The following FOXM1 variants were observed in gnomAD, a reference collection of about 807,000 sequenced individuals.
The protein encoded by FOXM1 is forkhead box M1.
Under a neutral mutation model 63.6 loss-of-function variants are expected in FOXM1, and 25 were observed. The ratio of observed to expected loss-of-function variants is 0.39; its 90% CI spans 0.29 to 0.55. The LOEUF (loss-of-function observed/expected upper bound fraction) is 0.55. Among genes scored for constraint, FOXM1 ranks in the 20% least tolerant of loss-of-function variants. The pLI is 0.60. For synonymous variants in FOXM1, 387 were observed against 376.9 expected, an observed-to-expected ratio of 1.03 and a Z score of -0.31; for missense variants, 879 against 958.7, an observed-to-expected ratio of 0.92 and a Z score of 1.10.
intron 8 of FOXM1, among the ~76,000 whole-genome samples, chr12:2,860,875 A>G (rs1269068918): frequency 1.3e-5 from 2 of 151,324 alleles, no homozygotes; most frequent in Admixed American, 1.3e-4. Context: ...AAAAAAAAAA[A>G]AAACTCTCAC....
chr12:2,868,567 C>T lies in FOXM1; in HGVS notation c.842G>A (p.Trp281Ter). ...PYFKHIAKPG[W>*]KNSIRHNLSL... is the part of the protein sequence containing the mutation. ...GGTTGCTGTGGGACACATTACCTTC[C>T]AGCCTGGCTTGGCAATGTGCTTAAA... Residue 281 changes from tryptophan to a stop codon, truncating the protein, a stop_gained, in exon 4 of 9, where the codon TGG (tryptophan) becomes TAG (stop). Coordinates refer to ENST00000359843, the MANE Select transcript of FOXM1 (RefSeq NM_021953.4). LOFTEE classifies it high-confidence loss of function. The T allele has an allele frequency of 6.2e-7, 1 of 1,607,936 alleles. No individual in the cohort carries two copies. Among genetic ancestry groups the T allele is most frequent in the Non-Finnish European group, 8.5e-7 (1 of 1,176,480 alleles).
Position 2,859,126 on chromosome 12 carries a change from T to C in FOXM1, c.1804A>G (p.Ile602Val), listed in dbSNP as rs770458870. 15 of 1,606,292 alleles carry C rather than the reference T, an allele frequency of 9.3e-6. No homozygotes were observed. Among genetic ancestry groups the C allele is most frequent in the Middle Eastern group, 3.3e-4 (2 of 6,032 alleles). Residue 602 changes from isoleucine (I) to valine (V), a missense_variant, in exon 9 of 9, where the codon ATT becomes GTT. Ile to Val is a conservative substitution (Grantham distance 29). Transcript: ENST00000359843. The stretch of plus-strand genomic sequence containing the variant: ...GAGGAGATGGGCAGCGTTTCCTTAA[T>C]GGGTGTCTTAAAAGGTCCTCCCACT... ...QEVGGPFKTP[I>V]KETLPISSTP... is the part of the protein sequence containing the mutation.
chr12:2,861,205 A>G (rs2098112168), intron 8 of FOXM1: 2 of 640,168 alleles, frequency 3.1e-6, no homozygotes, highest in African/African-American at 3.9e-5. Flanking sequence ...ATTGATAACA[A>G]AACCTATATA....
At position 2,859,387 on chromosome 12, in the gene FOXM1, T is replaced by G. The variant is rs2098103786; in HGVS notation, c.1543A>C (p.Lys515Gln). 1.2e-6 allele frequency: 2 copies of G among 1,613,714 alleles called. No individual in the cohort carries two copies. Among genetic ancestry groups the G allele is most frequent in the South Asian group, 2.2e-5 (2 of 91,066 alleles). ...SSQSPTPRPK[K>Q]SYSGLRSPTR... ...GGGGACCTAAGCCCACTGTAGGACT[T>G]CTTGGGTCTTGGGGTGGGAGATTGG... Residue 515 changes from lysine (K) to glutamine (Q), a missense_variant, in exon 9 of 9, where the codon AAG becomes CAG. Transcript: ENST00000359843.
Position 2,868,659 on chromosome 12 carries a change from G to A in FOXM1, c.750C>T (p.Asn250=), listed in dbSNP as rs774054599. 6.2e-7 allele frequency: 1 copy of A among 1,613,894 alleles called. No homozygotes were observed. Among genetic ancestry groups the A allele is most frequent in the South Asian group, 1.1e-5 (1 of 91,028 alleles). The stretch of plus-strand genomic sequence containing the variant: ...AAGTCATGCGCTTCCTCTCAGTGCT[G>A]TTGATGGCGAATTGTATCATGGCCA... ...SYMAMIQFAI[N]STERKRMTLK... is the part of the protein sequence containing the mutation. The change falls in exon 4 of 9, where the codon AAC becomes AAT. Residue 250 remains asparagine, a synonymous_variant. Coordinates refer to ENST00000359843, the MANE Select transcript of FOXM1 (RefSeq NM_021953.4).
At position 2,866,441 on chromosome 12, in the gene FOXM1, G is replaced by T. The variant is rs991066082; in HGVS notation, c.927C>A (p.Thr309=). 7 of 1,562,128 alleles carry T rather than the reference G, an allele frequency of 4.5e-6. No individual in the cohort carries two copies. The highest frequency in any genetic ancestry group is 1.7e-4 in the Middle Eastern group (1 of 5,912). The part of the protein sequence containing the change: ...TSANGKVSFW[T]IHPSANRYLT... The stretch of plus-strand genomic sequence containing the variant: ...AGTAGCGGTTGGCACTGGGGTGAAT[G>T]GTCCAGAAGGAGACCTTGCCATTGG... The change falls in exon 5 of 9, where the codon ACC becomes ACA. Residue 309 remains threonine, a synonymous_variant. Coordinates refer to ENST00000359843, the MANE Select transcript of FOXM1 (RefSeq NM_021953.4).
Position 2,872,166 on chromosome 12 carries a change from A to C in FOXM1, c.584T>G (p.Leu195Arg), listed in dbSNP as rs978350434. 2 of 1,614,066 alleles carry C rather than the reference A, an allele frequency of 1.2e-6. No homozygotes were observed. The highest frequency in any genetic ancestry group is 1.7e-6 in the Non-Finnish European group (2 of 1,180,018). ...CTCTTGCTTGATGCTGCGGGAGCCC[A>C]GTCCATCAGAACTCATCTTTCGAAG... is the stretch of plus-strand genomic sequence containing the variant. ...QWLRKMSSDG[L>R]GSRSIKQEME... The change falls in exon 3 of 9, where the codon CTG (leucine) becomes CGG (arginine). Residue 195 changes from leucine (L) to arginine (R), a missense_variant. Leu to Arg is a moderately radical substitution (Grantham distance 102, BLOSUM62 -2). Coordinates refer to ENST00000359843, the MANE Select transcript of FOXM1 (RefSeq NM_021953.4). The surrounding 1 kb of genome is among the most constrained non-coding windows in gnomAD (Gnocchi z 4.0).
In FOXM1 at chr12:2,858,252, A is replaced by G. The variant is rs2098095388; in HGVS notation, c.*386T>C. ...AGTCTCTGGATAATGATCTAAGGAA[A>G]TAAGCTTACATTTATAATTAGAGGA... On this transcript the variant is annotated 3_prime_UTR_variant, in exon 9 of 9. Transcript: ENST00000359843. 5.8e-6 allele frequency: 1 copy of G among 171,502 alleles called. No individual in the cohort carries two copies. 10.6% of individuals were successfully genotyped at this position (171,502 alleles called of 1,614,324 possible). A position where few individuals can be genotyped will look rare whatever the true frequency, so the allele number is the denominator to read the frequency against.
At chr12:2,868,786 A>G (rs2098128048) in intron 3 of FOXM1, 32 bp from the exon 4 acceptor site, 1 of 1,556,634 alleles carries the variant, frequency 6.4e-7, no homozygotes, top group Non-Finnish European at 8.8e-7. Flanking sequence ...ATGACATGAA[A>G]GAGTTCATGA....
At chr12:2,861,793 C>T (rs757377442) in intron 8 of FOXM1, among the ~76,000 whole-genome samples, 2 of 152,162 alleles carry the variant, frequency 1.3e-5, no homozygotes, top group Non-Finnish European at 2.9e-5. Context: ...TGTGGTGTAG[C>T]CACATCATGG....
chr12:2,859,425 C>G lies in FOXM1; in HGVS notation c.1505G>C (p.Trp502Ser). The G allele has an allele frequency of 6.2e-7, 1 of 1,614,052 alleles. No individual in the cohort carries two copies. The highest frequency in any genetic ancestry group is 8.5e-7 in the Non-Finnish European group (1 of 1,180,032). The change falls in exon 9 of 9, where the codon TGG (tryptophan) becomes TCG (serine). Residue 502 changes from tryptophan (W) to serine (S), a missense_variant. Physicochemically the swap from Trp to Ser is radical, Grantham distance 177. Around this residue, in one of 4 missense-constraint regions of FOXM1, gnomAD observed 486 missense variants for 453.5 expected, o/e 1.07. Transcript: ENST00000359843. Reference sequence around the variant, plus strand: ...GGTGGGAGATTGGGACGAATCCTCCCAGGAGTGAGATGATTCCTCTTTGAA... The same window carrying G: ...GGTGGGAGATTGGGACGAATCCTCCGAGGAGTGAGATGATTCCTCTTTGAA... ...PSFKEESSHS[W>S]EDSSQSPTPR...
chr12:2,862,481 AATTATGT>A (rs2098115700), intron 8 of FOXM1, among the ~76,000 whole-genome samples: 1 of 152,122 alleles, frequency 6.6e-6, no homozygotes, highest in Non-Finnish European at 1.5e-5. Context: ...ATTTACGCTA[AATTATGT>A]ATGTGTGGTA....
chr12:2,871,484 A>T (rs896503894), intron 3 of FOXM1, among the ~76,000 whole-genome samples: 5 of 152,068 alleles, frequency 3.3e-5, no homozygotes, highest in African/African-American at 1.2e-4. Flanking sequence ...CATCTCTACA[A>T]AAAATACAAA....
intron 8 of FOXM1, among the ~76,000 whole-genome samples, chr12:2,861,029 G>A (rs534486388): frequency 2.9e-4 from 44 of 151,844 alleles, no homozygotes; most frequent in Non-Finnish European, 5.9e-4. Context: ...TTAGCTGGGC[G>A]CAGTGGTGGG....
Position 2,864,844 on chromosome 12 carries a change from G to T in FOXM1, c.1021-92C>A. ...AAACCCCACCAGCTGCTCTGGTGGT[G>T]TGTGCTTGAGTTAATGACAGCCCAG... On this transcript the variant is annotated intron_variant, in intron 6 of 8. Transcript: ENST00000359843. This position sits in a 1 kb window ranked among gnomAD's most constrained non-coding sequence, Gnocchi z 5.1. 1.5e-6 allele frequency: 2 copies of T among 1,377,174 alleles called. No homozygotes were observed. The highest frequency in any genetic ancestry group is 2.1e-6 in the Non-Finnish European group (2 of 966,894). 85.3% of individuals were successfully genotyped at this position (1,377,174 alleles called of 1,614,324 possible). A position where few individuals can be genotyped will look rare whatever the true frequency, so the allele number is the denominator to read the frequency against.
intron 8 of FOXM1, 129 bp from the exon 9 acceptor site, chr12:2,859,792 T>C (rs978589175): frequency 1.0e-5 from 7 of 696,822 alleles, no homozygotes; most frequent in Non-Finnish European, 9.4e-6. Context: ...GAGAATACGA[T>C]GTATGTTGAA....
In FOXM1 at chr12:2,859,904, C is replaced by T. The variant is rs1420670784; in HGVS notation, c.1267-241G>A. 7.1e-5 allele frequency: 35 copies of T among 494,510 alleles called. No individual in the cohort carries two copies. The East Asian group carries it at 1.2e-3, about 17-fold the overall frequency. 30.6% of individuals were successfully genotyped at this position (494,510 alleles called of 1,614,324 possible). On this transcript the variant is annotated intron_variant, in intron 8 of 8. Transcript: ENST00000359843. Reference sequence around the variant, plus strand: ...AGAGGAAATAAAATTGCATGCTTGTCTTACACTGTATACAAAGATTTAATG... The same window carrying T: ...AGAGGAAATAAAATTGCATGCTTGTTTTACACTGTATACAAAGATTTAATG...
rs1169246656 is a variant in FOXM1 at position 2,858,634 on chromosome 12, G to A, written c.*4C>T. ...AGCTTGAGCACAGGGGCAAGGGCAG[G>A]GCTCTACTGTAGCTCAGGAATAAAC... On this transcript the variant is annotated 3_prime_UTR_variant, in exon 9 of 9. Coordinates refer to ENST00000359843, the MANE Select transcript of FOXM1 (RefSeq NM_021953.4). The A allele has an allele frequency of 1.2e-6, 2 of 1,612,268 alleles. No homozygotes were observed. The highest frequency in any genetic ancestry group is 3.3e-5 in the Admixed American group (2 of 59,946).
chr12:2,872,944 C>T lies in FOXM1; in HGVS notation c.503-697G>A, dbSNP rs1356268025. On this transcript the variant is annotated intron_variant, in intron 2 of 8. Coordinates refer to ENST00000359843, the MANE Select transcript of FOXM1 (RefSeq NM_021953.4). This position sits in a 1 kb window ranked among gnomAD's most constrained non-coding sequence, Gnocchi z 4.0. ...TGGTGCATGCCTATAGTCCCAGCTA[C>T]TTGGGAGGCTGATGTGGGAGAATGG... is the stretch of plus-strand genomic sequence containing the variant. Among the ~76,000 whole-genome samples, 1 of 152,108 alleles carries T rather than the reference C, an allele frequency of 6.6e-6. No homozygotes were observed. Among genetic ancestry groups the T allele is most frequent in the African/African-American group, 2.4e-5 (1 of 41,410 alleles).
Sources: gnomAD v4.1 joint callset for allele counts (sites outside exome capture counted in the v4.1 genomes callset) on GRCh38, gnomAD v4.1.1 for gene constraint, gnomAD v4.1.1 regional missense constraint, Gnocchi (gnomAD v3.1) non-coding constraint, MANE v1.5 for transcripts, NCBI Gene and HGNC (gene_info 2026-07-23, HGNC 2026-07-21) for gene names.